The following FANK1 variants were observed in gnomAD, a reference collection of about 807,000 sequenced individuals.
FANK1 encodes fibronectin type III and ankyrin repeat domains 1, also known as fibronectin type 3 and ankyrin repeat domains protein 1.
A neutral mutation model predicts 45.3 loss-of-function variants in FANK1; 44 were observed. The observed-to-expected ratio is 0.97, with a 90% CI of 0.76 to 1.25. FANK1 has a LOEUF of 1.25. Ranked by LOEUF, FANK1 falls within the 50% of genes most tolerant of loss-of-function variation. The pLI, the probability that FANK1 is intolerant of heterozygous loss-of-function variation, is 0.00. For synonymous variants in FANK1, 149 were observed against 152.5 expected, an observed-to-expected ratio of 0.98 and a Z score of 0.17; for missense variants, 391 against 424.4, an observed-to-expected ratio of 0.92 and a Z score of 0.69.
At chr10:125,977,660 G>GC (rs1313598229) in intron 1 of FANK1, among the ~76,000 whole-genome samples, 1 of 152,132 alleles carries the variant, frequency 6.6e-6, no homozygotes, top group Non-Finnish European at 1.5e-5. Context: ...TTATTTGCTT[G>GC]CTCCACCTCA....
intron 1 of FANK1, among the ~76,000 whole-genome samples, chr10:125,904,890 C>T (rs982918702): frequency 1.3e-4 from 20 of 151,772 alleles, no homozygotes; most frequent in Admixed American, 7.9e-4. Context: ...CTTTGGGAGG[C>T]CGAGGCGGGC....
At chr10:125,922,069 T>A in intron 1 of FANK1, among the ~76,000 whole-genome samples, 1 of 152,204 alleles carries the variant, frequency 6.6e-6, no homozygotes, top group Non-Finnish European at 1.5e-5. Context: ...TTTCTCATAA[T>A]TTAGTGCTAT....
rs373550249 is a variant in FANK1 at position 125,897,998 on chromosome 10, C to CAAAAAAAAAAAAAA, written c.13+1366_13+1379dup. 2.4e-4 allele frequency among the ~76,000 whole-genome samples: 4 copies of CAAAAAAAAAAAAAA among 16,794 alleles called. 2 individuals carry two copies. The highest frequency in any genetic ancestry group is 9.7e-4 in the African/African-American group (4 of 4,138). The allele number at this position is 16,794 out of a possible 152,430, so 11.0% of individuals were successfully genotyped here. Reference sequence around the variant, plus strand: ...AGTGAAACCCATCTCTACTAAAATACAAAAAAAAAAAAAAAAAAAAAAAAA... The same window carrying CAAAAAAAAAAAAAA: ...AGTGAAACCCATCTCTACTAAAATACAAAAAAAAAAAAAAAAAAAAAAAAAAAAAAAAAAAAAAA... On this transcript the variant is annotated intron_variant, in intron 1 of 10. Transcript: ENST00000368693.
chr10:125,932,491 G>T (rs1947816437), intron 1 of FANK1, among the ~76,000 whole-genome samples: 1 of 152,118 alleles, frequency 6.6e-6, no homozygotes, highest in Non-Finnish European at 1.5e-5. Flanking sequence ...TTCTTGATTT[G>T]ATTCTCCCCT....
intron 1 of FANK1, among the ~76,000 whole-genome samples, chr10:125,934,008 A>C (rs923621481): frequency 1.3e-5 from 2 of 152,086 alleles, no homozygotes; most frequent in Non-Finnish European, 2.9e-5. Flanking sequence ...GCTTGATATA[A>C]TTTCAATCTT....
chr10:125,911,941 A>G (rs1446480746), intron 1 of FANK1, among the ~76,000 whole-genome samples: 1 of 152,228 alleles, frequency 6.6e-6, no homozygotes, highest in Non-Finnish European at 1.5e-5. Context: ...TCTGTGCATG[A>G]TAGTTAGAGG....
intron 7 of FANK1, among the ~76,000 whole-genome samples, chr10:126,006,728 T>C (rs535858370): frequency 3.9e-5 from 6 of 152,216 alleles, no homozygotes; most frequent in East Asian, 1.9e-4. Flanking sequence ...GGCGTGGTGG[T>C]GGGCACCTGT....
chr10:125,953,956 C>T (rs953743533), intron 1 of FANK1, among the ~76,000 whole-genome samples: 15 of 152,168 alleles, frequency 9.9e-5, no homozygotes, highest in Admixed American at 1.3e-4. Flanking sequence ...CTCAGCAAGG[C>T]AAAATTTACT....
At chr10:125,922,434 A>C (rs530522087) in intron 1 of FANK1, among the ~76,000 whole-genome samples, 1 of 152,332 alleles carries the variant, frequency 6.6e-6, no homozygotes, top group South Asian at 2.1e-4. Context: ...TATTTTGTCC[A>C]GAGTTTCAAA....
At position 126,008,482 on chromosome 10, in the gene FANK1, G is replaced by C; in HGVS notation, c.781G>C (p.Ala261Pro). The C allele has an allele frequency of 3.1e-6, 5 of 1,613,582 alleles. No homozygotes were observed. Among genetic ancestry groups the C allele is most frequent in the Non-Finnish European group, 4.2e-6 (5 of 1,179,750 alleles). ...VSAVSGNQRV[A>P]SLLIDAGANV... is the part of the protein sequence containing the mutation. Reference sequence around the variant, plus strand: ...TGCGGTGTCGGGAAATCAGAGGGTGGCCTCTCTTCTAATTGATGCTGGGGC... The same window carrying C: ...TGCGGTGTCGGGAAATCAGAGGGTGCCCTCTCTTCTAATTGATGCTGGGGC... The change falls in exon 8 of 11, where the codon GCC becomes CCC. Residue 261 changes from alanine (A) to proline (P), a missense_variant. By Grantham distance (27) the Ala-to-Pro change is conservative. Coordinates refer to ENST00000368693, the MANE Select transcript of FANK1 (RefSeq NM_145235.5).
intron 1 of FANK1, among the ~76,000 whole-genome samples, chr10:125,964,055 C>T (rs973235663): frequency 1.3e-5 from 2 of 152,146 alleles, no homozygotes; most frequent in Non-Finnish European, 2.9e-5. Context: ...AAAATACTCA[C>T]ATGCCACCAC....
intron 1 of FANK1, among the ~76,000 whole-genome samples, chr10:125,963,281 C>G (rs977701252): frequency 1.3e-5 from 2 of 152,192 alleles, no homozygotes; most frequent in Admixed American, 1.3e-4. Context: ...AATATGAACA[C>G]TTTTACACAG....
intron 1 of FANK1, among the ~76,000 whole-genome samples, chr10:125,975,472 G>T (rs867147721): frequency 2.0e-5 from 3 of 152,142 alleles, no homozygotes; most frequent in Non-Finnish European, 2.9e-5. Context: ...AGTGTATAAA[G>T]GTTCCCTTTG....
chr10:125,984,266 T>C (rs1362880120), intron 2 of FANK1, among the ~76,000 whole-genome samples: 5 of 152,320 alleles, frequency 3.3e-5, no homozygotes, highest in South Asian at 2.1e-4. Context: ...TGCGTGAACA[T>C]TGTCAGTCAC....
chr10:125,943,987 G>T (rs763505320), intron 1 of FANK1, among the ~76,000 whole-genome samples: 5 of 152,180 alleles, frequency 3.3e-5, no homozygotes, highest in African/African-American at 1.2e-4. Context: ...TAAAAGTCAC[G>T]TTTTTACGTG....
chr10:125,918,585 A>AATATATATATATATATATATATAT (rs1197525883), intron 1 of FANK1, among the ~76,000 whole-genome samples: 5 of 70,972 alleles, frequency 7.0e-5, no homozygotes, highest in African/African-American at 4.0e-4. Context: ...AAAAAAAAAA[A>AATATATATATATATATATATATAT]ATATATATAT....
chr10:125,990,217 G>A (rs962248169), intron 3 of FANK1, among the ~76,000 whole-genome samples: 5 of 152,172 alleles, frequency 3.3e-5, no homozygotes, highest in Non-Finnish European at 4.4e-5. Flanking sequence ...TGCGGGCTCC[G>A]AAAGGATGGA....
At chr10:125,955,252 C>G (rs1466915892) in intron 1 of FANK1, among the ~76,000 whole-genome samples, 1 of 152,038 alleles carries the variant, frequency 6.6e-6, no homozygotes, top group Non-Finnish European at 1.5e-5. Flanking sequence ...TCCTGATGCT[C>G]TCCCTCCCCA....
intron 3 of FANK1, among the ~76,000 whole-genome samples, chr10:125,992,322 C>T (rs988914440): frequency 1.3e-4 from 20 of 152,136 alleles, no homozygotes; most frequent in African/African-American, 4.8e-4. Context: ...GAGACGTTTT[C>T]GTACCTCTGT....
Sources: gnomAD v4.1 joint callset for allele counts (sites outside exome capture counted in the v4.1 genomes callset) on GRCh38, gnomAD v4.1.1 for gene constraint, MANE v1.5 for transcripts, NCBI Gene and HGNC (gene_info 2026-07-23, HGNC 2026-07-21) for gene names.